The following BANK1 variants were observed in gnomAD, a reference collection of about 807,000 sequenced individuals.
BANK1 encodes B cell scaffold protein with ankyrin repeats 1, also known as B-cell scaffold protein with ankyrin repeats.
A neutral mutation model predicts 94.5 loss-of-function variants in BANK1; 95 were observed. The observed-to-expected ratio is 1.00, with a 90% confidence interval of 0.85 to 1.19. The LOEUF (loss-of-function observed/expected upper bound fraction) is 1.19, where lower values mean the gene tolerates loss of function less well. Ranked by LOEUF, BANK1 falls within the 50% of genes most tolerant of loss-of-function variation. The pLI is 0.00. For synonymous variants in BANK1, 334 were observed against 308.4 expected, an observed-to-expected ratio of 1.08 and a Z score of -0.87; for missense variants, 987 against 932.2, an observed-to-expected ratio of 1.06 and a Z score of -0.77.
At chr4:102,063,260 T>C in intron 13 of BANK1, 122 bp downstream of exon 13, 1 of 812,558 alleles carries the variant, frequency 1.2e-6, no homozygotes, top group Non-Finnish European at 2.0e-6. Context: ...CTGTCTAACC[T>C]GGAGAGGGTC....
intron 2 of BANK1, among the ~76,000 whole-genome samples, chr4:101,854,056 G>T (rs561446727): frequency 1.3e-5 from 2 of 152,234 alleles, no homozygotes; most frequent in Non-Finnish European, 2.9e-5. Flanking sequence ...CCTCTGAGTA[G>T]CAGGCTAACT....
At chr4:101,978,059 G>T (rs1037304992) in intron 7 of BANK1, among the ~76,000 whole-genome samples, 5 of 151,512 alleles carry the variant, frequency 3.3e-5, no homozygotes, top group Non-Finnish European at 7.4e-5. Flanking sequence ...TGCCTCCCAG[G>T]TTCAAGCAAT....
intron 7 of BANK1, among the ~76,000 whole-genome samples, chr4:101,939,486 T>C (rs924290272): frequency 7.9e-5 from 12 of 151,676 alleles, no homozygotes; most frequent in Admixed American, 5.3e-4. Flanking sequence ...CTTGGACTAG[T>C]GGATGCCTCC....
At chr4:101,988,037 A>G (rs1374863489) in intron 7 of BANK1, among the ~76,000 whole-genome samples, 1 of 152,210 alleles carries the variant, frequency 6.6e-6, no homozygotes, top group Non-Finnish European at 1.5e-5. Context: ...TGCACATCAC[A>G]GTGACACATT....
At chr4:101,816,061 G>A (rs1172207692) in intron 1 of BANK1, among the ~76,000 whole-genome samples, 1 of 152,170 alleles carries the variant, frequency 6.6e-6, no homozygotes, top group Non-Finnish European at 1.5e-5. Flanking sequence ...GAATTTCCAA[G>A]ATGAGTTTTC....
intron 2 of BANK1, among the ~76,000 whole-genome samples, chr4:101,838,597 A>T (rs1197622147): frequency 6.6e-6 from 1 of 152,228 alleles, no homozygotes; most frequent in African/African-American, 2.4e-5. Context: ...TACAGAGCCC[A>T]GGAAAAAACA....
chr4:101,975,699 A>G (rs185298558), intron 7 of BANK1, among the ~76,000 whole-genome samples: 27 of 152,208 alleles, frequency 1.8e-4, no homozygotes, highest in Admixed American at 2.6e-4. Flanking sequence ...AATTATTATC[A>G]TTTGTTTTAT....
intron 6 of BANK1, among the ~76,000 whole-genome samples, chr4:101,902,582 G>C (rs953095777): frequency 6.6e-6 from 1 of 152,106 alleles, no homozygotes; most frequent in African/African-American, 2.4e-5. Flanking sequence ...ACTTTCATCT[G>C]ATATTTACAA....
intron 11 of BANK1, among the ~76,000 whole-genome samples, chr4:102,058,201 C>T (rs964114378): frequency 2.0e-5 from 3 of 151,878 alleles, no homozygotes; most frequent in Non-Finnish European, 2.9e-5. Flanking sequence ...AATGAAAAGC[C>T]CAATTTACAT....
intron 5 of BANK1, among the ~76,000 whole-genome samples, chr4:101,884,864 T>C (rs770246206): frequency 3.9e-5 from 6 of 152,206 alleles, no homozygotes; most frequent in African/African-American, 7.2e-5. Context: ...CACCTCCTAC[T>C]ATCTCAAATT....
intron 7 of BANK1, among the ~76,000 whole-genome samples, chr4:102,010,574 G>A (rs1726475968): frequency 6.6e-6 from 1 of 151,656 alleles, no homozygotes; most frequent in Admixed American, 6.6e-5. Context: ...TGTGTTTTTA[G>A]TAGAGACAGG....
intron 7 of BANK1, among the ~76,000 whole-genome samples, chr4:101,998,876 TTC>T (rs767255695): frequency 2.0e-5 from 3 of 152,184 alleles, no homozygotes; most frequent in African/African-American, 4.8e-5. Flanking sequence ...GGTGTTTGAA[TTC>T]TCTGTTTCCT....
At chr4:101,839,040 C>T (rs1726933911) in intron 2 of BANK1, among the ~76,000 whole-genome samples, 1 of 152,080 alleles carries the variant, frequency 6.6e-6, no homozygotes, top group Non-Finnish European at 1.5e-5. Flanking sequence ...GACTGAGAAA[C>T]ACAATAGGTA....
chr4:101,848,589 G>A (rs1727345280), intron 2 of BANK1, among the ~76,000 whole-genome samples: 1 of 152,178 alleles, frequency 6.6e-6, no homozygotes, highest in Admixed American at 6.6e-5. Context: ...ATACAGTCAT[G>A]CACTTGAGAT....
chr4:101,925,330 C>T (rs1408405342), intron 7 of BANK1, among the ~76,000 whole-genome samples: 2 of 151,594 alleles, frequency 1.3e-5, no homozygotes, highest in Non-Finnish European at 3.0e-5. Flanking sequence ...AATATATTTG[C>T]TTTTATCTTC....
intron 2 of BANK1, among the ~76,000 whole-genome samples, chr4:101,848,052 C>A (rs1006461574): frequency 2.0e-5 from 3 of 152,148 alleles, no homozygotes; most frequent in Non-Finnish European, 4.4e-5. Flanking sequence ...CCTCCTCTAC[C>A]TCGGTGTTTT....
intron 7 of BANK1, among the ~76,000 whole-genome samples, chr4:101,941,961 C>T (rs1443233949): frequency 2.0e-5 from 3 of 151,760 alleles, no homozygotes; most frequent in Non-Finnish European, 4.4e-5. Context: ...GAAAATAGAA[C>T]AGTAGAGCAC....
At chr4:102,024,639 A>C (rs1277829723) in intron 8 of BANK1, among the ~76,000 whole-genome samples, 4 of 150,840 alleles carry the variant, frequency 2.7e-5, no homozygotes, top group African/African-American at 9.7e-5. Flanking sequence ...CTTTTTCACC[A>C]AAAAAAAATT....
intron 7 of BANK1, among the ~76,000 whole-genome samples, chr4:101,965,132 A>G (rs369808886): frequency 2.6e-5 from 4 of 151,826 alleles, no homozygotes; most frequent in Non-Finnish European, 5.9e-5. Context: ...TCCATGGTGT[A>G]TATGTGCCAC....
Sources: allele counts gnomAD v4.1 joint callset (sites outside exome capture counted in the v4.1 genomes callset), GRCh38; gene constraint gnomAD v4.1.1; transcripts MANE v1.5; gene names NCBI Gene and HGNC (gene_info 2026-07-23, HGNC 2026-07-21).